CSMD3: variants seen among roughly 807,000 people sequenced by gnomAD.
CSMD3 encodes CUB and sushi domain-containing protein 3.
In CSMD3, 177 loss-of-function variants were observed where a neutral mutation model predicts 435.2. The ratio of observed to expected loss-of-function variants is 0.41; its 90% CI spans 0.36 to 0.46. The LOEUF is 0.46. CSMD3 is among the 20% of genes least tolerant of loss of function. The pLI is 0.34. For missense variants in CSMD3, 4,265 were observed against 4,504.6 expected (o/e 0.95, Z 1.52); for synonymous variants, 1,656 against 1,520.5 (o/e 1.09, Z -2.07).
intron 22 of CSMD3, among the ~76,000 whole-genome samples, chr8:112,599,881 A>C (rs1410117292): frequency 3.1e-5 from 3 of 95,780 alleles, no homozygotes; most frequent in Admixed American, 1.2e-4. Flanking sequence ...GGGTGGGGGG[A>C]GGGGGGAGGG....
chr8:113,326,018 T>A (rs191338332), intron 1 of CSMD3, among the ~76,000 whole-genome samples: 28 of 152,330 alleles, frequency 1.8e-4, no homozygotes, highest in African/African-American at 6.5e-4. Flanking sequence ...ATAACTAATT[T>A]AGAAAAAAGA....
chr8:113,123,357 T>A (rs1006794914), intron 4 of CSMD3, among the ~76,000 whole-genome samples: 12 of 152,090 alleles, frequency 7.9e-5, no homozygotes, highest in Admixed American at 6.6e-5. Context: ...GCTTTATCAA[T>A]ATCAACTAAA....
rs568509111 is a variant in CSMD3 at position 112,623,789 on chromosome 8, TC to T, written c.3715+13027del. ...ATAAATATATCAAATCCATCATTTG[TC>T]TTAAAGAAATTGCTAATGTCTAGTT... is the stretch of plus-strand genomic sequence containing the variant. On this transcript the variant is annotated intron_variant, in intron 22 of 70. Transcript: ENST00000297405. Among the ~76,000 whole-genome samples the T allele has an allele frequency of 1.8e-3, 275 of 152,186 alleles. 1 individual carries two copies. Among genetic ancestry groups the T allele is most frequent in the African/African-American group, 6.3e-3 (261 of 41,540 alleles).
chr8:112,821,658 A>C (rs1017760930), intron 12 of CSMD3, among the ~76,000 whole-genome samples: 4 of 151,936 alleles, frequency 2.6e-5, no homozygotes, highest in African/African-American at 7.3e-5. Flanking sequence ...GTTAATTTAG[A>C]TCCCATTTGT....
chr8:112,716,518 A>G (rs1241321789), intron 13 of CSMD3, among the ~76,000 whole-genome samples: 50 of 152,190 alleles, frequency 3.3e-4, no homozygotes, highest in Non-Finnish European at 1.2e-4. Context: ...TTATAAATTC[A>G]ATGTTATTCC....
intron 13 of CSMD3, among the ~76,000 whole-genome samples, chr8:112,759,135 A>T (rs1276195623): frequency 6.6e-6 from 1 of 152,152 alleles, no homozygotes; most frequent in Non-Finnish European, 1.5e-5. Flanking sequence ...AGTTAGTGAT[A>T]AAAGGCCTAA....
chr8:112,738,126 G>A (rs2077225675), intron 13 of CSMD3, among the ~76,000 whole-genome samples: 1 of 151,732 alleles, frequency 6.6e-6, no homozygotes, highest in Non-Finnish European at 1.5e-5. Context: ...TAAGCAGAGA[G>A]GTGGGGGGAA....
intron 43 of CSMD3, 109 bp from the exon 44 acceptor site, chr8:112,336,938 G>T: frequency 1.1e-6 from 1 of 934,720 alleles, no homozygotes; most frequent in Non-Finnish European, 1.7e-6. Flanking sequence ...ACACATTTAT[G>T]CCTTGTTTTT....
chr8:112,570,173 A>C (rs1423040922), intron 24 of CSMD3, among the ~76,000 whole-genome samples: 1 of 152,144 alleles, frequency 6.6e-6, no homozygotes, highest in Non-Finnish European at 1.5e-5. Context: ...GAATATTTAA[A>C]ATATGTGGCT....
At chr8:112,309,468 T>A (rs1821752746) in intron 50 of CSMD3, among the ~76,000 whole-genome samples, 1 of 152,038 alleles carries the variant, frequency 6.6e-6, no homozygotes, top group East Asian at 1.9e-4. Context: ...TTATTTTATA[T>A]CTTTTAATTC....
intron 5 of CSMD3, among the ~76,000 whole-genome samples, chr8:113,063,368 T>C (rs1325402641): frequency 6.6e-6 from 1 of 151,954 alleles, no homozygotes; most frequent in Non-Finnish European, 1.5e-5. Context: ...ACTTCATGGA[T>C]ATTTATTTAG....
chr8:112,287,101 A>G lies in CSMD3; in HGVS notation c.9294T>C (p.Ala3098=), dbSNP rs749190488. 3.1e-6 allele frequency: 5 copies of G among 1,613,714 alleles called. No individual in the cohort carries two copies. The highest frequency in any genetic ancestry group is 4.2e-6 in the Non-Finnish European group (5 of 1,179,798). The change falls in exon 58 of 71, where the codon GCT becomes GCC. Residue 3098 remains alanine, a synonymous_variant. Coordinates refer to ENST00000297405, the MANE Select transcript of CSMD3 (RefSeq NM_198123.2). ...LHGSEERTCL[A]NGSWTGRQPE... Reference sequence around the variant, plus strand: ...GCTGCCTTCCGGTCCAACTGCCATTAGCTAAACATGTTCTTTCTTCTGAGC... The same window carrying G: ...GCTGCCTTCCGGTCCAACTGCCATTGGCTAAACATGTTCTTTCTTCTGAGC...
chr8:112,682,068 T>G (rs574813772), intron 16 of CSMD3, among the ~76,000 whole-genome samples: 11 of 152,226 alleles, frequency 7.2e-5, no homozygotes, highest in Admixed American at 2.6e-4. Flanking sequence ...TAACACATTT[T>G]TGAAAATTAG....
chr8:112,430,225 A>G (rs1813513466), intron 32 of CSMD3, among the ~76,000 whole-genome samples: 2 of 152,030 alleles, frequency 1.3e-5, no homozygotes, highest in African/African-American at 4.8e-5. Flanking sequence ...AACAAATCCA[A>G]GAAATTAGCC....
At chr8:113,335,474 A>G (rs2094065453) in intron 1 of CSMD3, among the ~76,000 whole-genome samples, 1 of 145,872 alleles carries the variant, frequency 6.9e-6, no homozygotes, top group South Asian at 2.2e-4. Flanking sequence ...TTTTGTTTTC[A>G]GATGTTCAGC....
At chr8:112,241,697 G>A (rs1814162892) in intron 66 of CSMD3, 23 bp downstream of exon 66, 1 of 1,568,208 alleles carries the variant, frequency 6.4e-7, no homozygotes, top group African/African-American at 1.4e-5. Flanking sequence ...ATGAACTCTA[G>A]AAAAACAAAT....
At chr8:112,304,467 T>C (rs1409644889) in intron 52 of CSMD3, among the ~76,000 whole-genome samples, 1 of 151,994 alleles carries the variant, frequency 6.6e-6, no homozygotes, top group Non-Finnish European at 1.5e-5. Context: ...TACTTCATTG[T>C]TAAAGTAGGT....
intron 3 of CSMD3, among the ~76,000 whole-genome samples, chr8:113,245,477 T>C (rs940701140): frequency 1.1e-4 from 16 of 152,078 alleles, no homozygotes; most frequent in Non-Finnish European, 2.2e-4. Context: ...AAATAATTTA[T>C]CTTGAATTAA....
intron 13 of CSMD3, among the ~76,000 whole-genome samples, chr8:112,690,951 A>C (rs1199058841): frequency 6.6e-6 from 1 of 152,116 alleles, no homozygotes; most frequent in Non-Finnish European, 1.5e-5. Context: ...AAATATCGAC[A>C]CATTGCTAGT....
Sources: allele counts gnomAD v4.1 joint callset (sites outside exome capture counted in the v4.1 genomes callset), GRCh38; gene constraint gnomAD v4.1.1; transcripts MANE v1.5; gene names NCBI Gene and HGNC (gene_info 2026-07-23, HGNC 2026-07-21).